The following ZNF839 variants were observed in gnomAD, a reference collection of about 807,000 sequenced individuals.
ZNF839 encodes zinc finger protein 839.
In ZNF839, 38 loss-of-function variants were observed where a neutral mutation model predicts 56.4. That is an observed-to-expected ratio of 0.67 (90% CI 0.52 to 0.88). The LOEUF is 0.88. ZNF839 is among the 40% of genes least tolerant of loss of function. The pLI is 0.00. For synonymous variants in ZNF839, 486 were observed against 493.5 expected (o/e 0.98, Z 0.20); for missense variants, 1,091 against 1,177.6 (o/e 0.93, Z 1.08).
In ZNF839 at chr14:102,336,216, T is replaced by C. The variant is rs143393895; in HGVS notation, c.1659+378T>C. The stretch of plus-strand genomic sequence containing the variant: ...CCAAAAAAAAAAAAAACTCCATGTA[T>C]GAAGGAGAATGTTTTTAGTAATGAC... On this transcript the variant is annotated intron_variant, in intron 5 of 7. Transcript: ENST00000442396. Among the ~76,000 whole-genome samples, 567 of 152,078 alleles carry C rather than the reference T, an allele frequency of 3.7e-3. 6 individuals are homozygous for C. Among genetic ancestry groups the C allele is most frequent in the African/African-American group, 0.013 (528 of 41,506 alleles).
intron 7 of ZNF839, among the ~76,000 whole-genome samples, chr14:102,340,552 G>A (rs1597737422): frequency 6.6e-6 from 1 of 152,132 alleles, no homozygotes; most frequent in Non-Finnish European, 1.5e-5. Context: ...GATTACAGGC[G>A]TGAGCAGCCA....
Position 102,326,401 on chromosome 14 carries a change from A to T in ZNF839, c.705A>T (p.Arg235Ser). ...AHPFISNLHT[R>S]HTEKLKKSLK... ...CATTTATTTCCAACTTGCATACAAG[A>T]CATACTGAGAAACTAAAAAAATCGT... Residue 235 changes from arginine to serine, a missense_variant, in exon 2 of 8, where the codon AGA (arginine) becomes AGT (serine). This residue lies in a region of ZNF839 where 614 missense variants were observed against 629.2 expected (regional missense o/e 0.98). Transcript: ENST00000442396. This position sits in a 1 kb window ranked among gnomAD's most constrained non-coding sequence, Gnocchi z 4.3. The T allele has an allele frequency of 6.2e-7, 1 of 1,613,258 alleles. No homozygotes were observed. The highest frequency in any genetic ancestry group is 2.2e-5 in the East Asian group (1 of 44,888).
intron 7 of ZNF839, among the ~76,000 whole-genome samples, chr14:102,340,698 G>T (rs1886414074): frequency 6.6e-6 from 1 of 152,036 alleles, no homozygotes; most frequent in African/African-American, 2.4e-5. Flanking sequence ...GTGTGGATGT[G>T]AGTATTTGGA....
chr14:102,339,446 T>TA (rs944654621), intron 7 of ZNF839, among the ~76,000 whole-genome samples: 11 of 152,212 alleles, frequency 7.2e-5, no homozygotes, highest in Admixed American at 3.3e-4. Context: ...AGTGCCTTGT[T>TA]AAAATGGAGA....
Position 102,326,291 on chromosome 14 carries a change from C to G in ZNF839, c.595C>G (p.Pro199Ala). 6.2e-7 allele frequency: 1 copy of G among 1,613,470 alleles called. No individual in the cohort carries two copies. Among genetic ancestry groups the G allele is most frequent in the Non-Finnish European group, 8.5e-7 (1 of 1,179,672 alleles). ...AAAGAGAGTCCCAGCCCCCAAGGCT[C>G]CAGATGAACAGGGCTCCATGTTGAC... ...PAKRVPAPKA[P>A]DEQGSMLTPL... Residue 199 changes from proline (P) to alanine (A), a missense_variant, in exon 2 of 8, where the codon CCA (proline) becomes GCA (alanine). By Grantham distance (27) the Pro-to-Ala change is conservative. Coordinates refer to ENST00000442396, the MANE Select transcript of ZNF839 (RefSeq NM_018335.6). This position sits in a 1 kb window ranked among gnomAD's most constrained non-coding sequence, Gnocchi z 4.3.
Position 102,326,196 on chromosome 14 carries a change from G to C in ZNF839, c.500G>C (p.Ser167Thr), listed in dbSNP as rs752045106. ...VRTEPQSCFL[S>T]DLCQPPAQGF... ...ACCGAGCCACAGTCCTGCTTCCTAA[G>C]TGACTTATGCCAACCTCCTGCTCAG... The change falls in exon 2 of 8, where the codon AGT becomes ACT. Residue 167 changes from serine to threonine, a missense_variant. Physicochemically the swap from Ser to Thr is moderately conservative, Grantham distance 58 (BLOSUM62 1). Around this residue, in one of 3 missense-constraint regions of ZNF839, gnomAD observed 614 missense variants for 629.2 expected, o/e 0.98. Coordinates refer to ENST00000442396, the MANE Select transcript of ZNF839 (RefSeq NM_018335.6). This position sits in a 1 kb window ranked among gnomAD's most constrained non-coding sequence, Gnocchi z 4.3. 1.2e-6 allele frequency: 2 copies of C among 1,613,770 alleles called. No individual in the cohort carries two copies. The highest frequency in any genetic ancestry group is 2.2e-5 in the South Asian group (2 of 91,074).
chr14:102,334,262 C>T (rs2073919590), intron 3 of ZNF839, among the ~76,000 whole-genome samples: 1 of 152,244 alleles, frequency 6.6e-6, no homozygotes, highest in African/African-American at 2.4e-5. Context: ...GCGGCGCAGC[C>T]TGGGTGAGTC....
At chr14:102,319,114 C>G (rs886530552), upstream of ZNF839, among the ~76,000 whole-genome samples, 1 of 152,204 alleles carries the variant, frequency 6.6e-6, no homozygotes, top group Non-Finnish European at 1.5e-5. The surrounding 1 kb of genome is among the most constrained non-coding windows in gnomAD (Gnocchi z 4.5). Context: ...TGGGTTCATT[C>G]ATTCGTTCAC....
chr14:102,320,213 T>C (rs1282125022), intron 1 of ZNF839, among the ~76,000 whole-genome samples, 160 bp downstream of exon 1: 1 of 152,126 alleles, frequency 6.6e-6, no homozygotes, highest in African/African-American at 2.4e-5. Flanking sequence ...CCCCCACCTG[T>C]CACCACCCTG....
At chr14:102,328,444 A>G (rs12885790) in intron 2 of ZNF839, among the ~76,000 whole-genome samples, 1 of 143,454 alleles carries the variant, frequency 7.0e-6, no homozygotes, top group East Asian at 2.0e-4. Flanking sequence ...TAGTAAAAAA[A>G]CACATAGCAT....
Position 102,331,614 on chromosome 14 carries a change from C to CT in ZNF839, c.1192-7dup. 1 of 1,605,076 alleles carries CT rather than the reference C, an allele frequency of 6.2e-7. No individual in the cohort carries two copies. The highest frequency in any genetic ancestry group is 1.1e-5 in the South Asian group (1 of 89,540). ...TTATTTTACTTTTGGGTGTGCAACA[C>CT]TGTCTAGAATGGTCAGTCTGTAGAC... On this transcript the variant is annotated splice_polypyrimidine_tract_variant and splice_region_variant and intron_variant, in intron 2 of 7. Transcript: ENST00000442396.
At chr14:102,340,342 G>A (rs1438061591) in intron 7 of ZNF839, among the ~76,000 whole-genome samples, 4 of 149,404 alleles carry the variant, frequency 2.7e-5, no homozygotes, top group African/African-American at 7.4e-5. Context: ...CATGATCTCT[G>A]CTCACTGCAA....
intron 7 of ZNF839, among the ~76,000 whole-genome samples, chr14:102,339,607 G>A (rs1886268500): frequency 1.3e-5 from 2 of 152,276 alleles, no homozygotes; most frequent in Middle Eastern, 6.8e-3. Context: ...AACTAGCTGG[G>A]TGTGGTGGCG....
At chr14:102,336,599 GT>G (rs750774468) in intron 5 of ZNF839, 118 of 383,444 alleles carry the variant, frequency 3.1e-4, no homozygotes, top group South Asian at 5.3e-4. Context: ...CCGGTCCCCA[GT>G]TTTTTTTTTC....
chr14:102,341,068 C>CAA (rs60659700), intron 7 of ZNF839: 67 of 82,870 alleles, frequency 8.1e-4, no homozygotes, highest in Non-Finnish European at 9.6e-4. Context: ...GACTCCATCT[C>CAA]AAAAAAAAAA....
chr14:102,326,088 G>T lies in ZNF839; in HGVS notation c.392G>T (p.Ser131Ile). 1 of 1,613,898 alleles carries T rather than the reference G, an allele frequency of 6.2e-7. No individual in the cohort carries two copies. The highest frequency in any genetic ancestry group is 8.5e-7 in the Non-Finnish European group (1 of 1,179,840). ...ATCCAGCCCCAAACTGCAAGAAAGAGCCAGCTGCCCCGGGGGAATTCCTGC... is the reference window on the plus strand; with the variant it reads ...ATCCAGCCCCAAACTGCAAGAAAGATCCAGCTGCCCCGGGGGAATTCCTGC... Reference protein sequence around the residue: ...TTIQPQTARKSQLPRGNSCLV... With the variant: ...TTIQPQTARKIQLPRGNSCLV... Residue 131 changes from serine to isoleucine, a missense_variant, in exon 2 of 8, where the codon AGC becomes ATC. This residue lies in a region of ZNF839 where 614 missense variants were observed against 629.2 expected (regional missense o/e 0.98). Transcript: ENST00000442396. The surrounding 1 kb of genome is among the most constrained non-coding windows in gnomAD (Gnocchi z 4.3).
rs769059627 is a variant in ZNF839 at position 102,341,522 on chromosome 14, A to G, written c.2127A>G (p.Ser709=). The G allele has an allele frequency of 1.2e-6, 2 of 1,606,276 alleles. No homozygotes were observed. Among genetic ancestry groups the G allele is most frequent in the Non-Finnish European group, 1.7e-6 (2 of 1,175,400 alleles). ...GTGGGCTGCCTGTTTATGCTCAGTC[A>G]GGAGAGCCTAGGAGGCTGACCCAGG... ...DVSGLPVYAQ[S]GEPRRLTQAQ... Residue 709 remains serine (S), a synonymous_variant, in exon 8 of 8, where the codon TCA becomes TCG. Coordinates refer to ENST00000442396, the MANE Select transcript of ZNF839 (RefSeq NM_018335.6).
intron 1 of ZNF839, 36 bp downstream of exon 1, chr14:102,320,089 C>A: frequency 8.6e-7 from 1 of 1,162,832 alleles, no homozygotes; most frequent in African/African-American, 1.6e-5. Context: ...AAACTGAGGC[C>A]CGAAGGGGGC....
Position 102,331,763 on chromosome 14 carries a change from C to G in ZNF839, c.1333C>G (p.Gln445Glu). 6.2e-7 allele frequency: 1 copy of G among 1,601,492 alleles called. No individual in the cohort carries two copies. The highest frequency in any genetic ancestry group is 8.5e-7 in the Non-Finnish European group (1 of 1,174,220). The change falls in exon 3 of 8, where the codon CAG (glutamine) becomes GAG (glutamate). Residue 445 changes from glutamine to glutamate, a missense_variant. Coordinates refer to ENST00000442396, the MANE Select transcript of ZNF839 (RefSeq NM_018335.6). ...LAESRTAVLQ[Q>E]RRAAQLPGGP... Reference sequence around the variant, plus strand: ...AGAGTCCCGCACAGCTGTCCTCCAGCAGAGAAGAGCTGCTCAGCTACCTGG... The same window carrying G: ...AGAGTCCCGCACAGCTGTCCTCCAGGAGAGAAGAGCTGCTCAGCTACCTGG...
Sources: allele counts gnomAD v4.1 joint callset (sites outside exome capture counted in the v4.1 genomes callset), GRCh38; gene constraint gnomAD v4.1.1; regional missense constraint gnomAD v4.1.1; non-coding constraint Gnocchi (gnomAD v3.1); transcripts MANE v1.5; gene names NCBI Gene and HGNC (gene_info 2026-07-23, HGNC 2026-07-21).